TAOK3: variants seen among roughly 807,000 people sequenced by gnomAD.
TAOK3 encodes serine/threonine-protein kinase TAO3.
A neutral mutation model predicts 120.4 loss-of-function variants in TAOK3; 40 were observed. The observed-to-expected ratio is 0.33, with a 90% CI of 0.26 to 0.43. The LOEUF (loss-of-function observed/expected upper bound fraction) is 0.43. Ranked by LOEUF, TAOK3 falls within the 20% of genes least tolerant of loss-of-function variation. The pLI is 1.00. For missense variants in TAOK3, 821 were observed against 1,112.1 expected, an observed-to-expected ratio of 0.74 and a Z score of 3.72; for synonymous variants, 355 against 387.5, an observed-to-expected ratio of 0.92 and a Z score of 0.99.
intron 1 of TAOK3, among the ~76,000 whole-genome samples, chr12:118,274,862 G>C (rs945753640): frequency 2.0e-5 from 3 of 151,304 alleles, no homozygotes; most frequent in African/African-American, 7.3e-5. Flanking sequence ...TGAACTCCTG[G>C]CCTCCCAAAG....
chr12:118,291,899 C>T (rs2042497790), intron 1 of TAOK3, among the ~76,000 whole-genome samples: 1 of 152,054 alleles, frequency 6.6e-6, no homozygotes, highest in South Asian at 2.1e-4. Flanking sequence ...ACTGCAAGCT[C>T]CACCTCCGGG....
chr12:118,341,003 T>C (rs1009525392), intron 1 of TAOK3, among the ~76,000 whole-genome samples: 7 of 151,344 alleles, frequency 4.6e-5, no homozygotes, highest in Non-Finnish European at 1.0e-4. Context: ...TTTTTTTTTT[T>C]TTTTTGAGAC....
At chr12:118,316,746 A>G (rs1186949348) in intron 1 of TAOK3, among the ~76,000 whole-genome samples, 2 of 152,080 alleles carry the variant, frequency 1.3e-5, no homozygotes, top group Non-Finnish European at 2.9e-5. Flanking sequence ...GAAAACCCTA[A>G]ATAACTCACA....
At chr12:118,306,947 AG>A (rs2043074291) in intron 1 of TAOK3, among the ~76,000 whole-genome samples, 1 of 152,242 alleles carries the variant, frequency 6.6e-6, no homozygotes, top group South Asian at 2.1e-4. Flanking sequence ...GTGCAACAGA[AG>A]AACGGAATTT....
chr12:118,243,993 C>T (rs1566003176), intron 4 of TAOK3, among the ~76,000 whole-genome samples: 1 of 151,910 alleles, frequency 6.6e-6, no homozygotes, highest in Non-Finnish European at 1.5e-5. Context: ...CATGCCATTT[C>T]TTTAGTTTGA....
chr12:118,279,757 TTTTTATTGTTG>T (rs1205741857), intron 1 of TAOK3, among the ~76,000 whole-genome samples: 6 of 148,106 alleles, frequency 4.1e-5, no homozygotes, highest in African/African-American at 1.3e-4. Flanking sequence ...CTAATTTTTG[TTTTTATTGTTG>T]TTTTTTTTTT....
chr12:118,261,977 C>T (rs2041250366), intron 2 of TAOK3, among the ~76,000 whole-genome samples: 1 of 152,104 alleles, frequency 6.6e-6, no homozygotes. Context: ...TCTCGTGCCT[C>T]AGTCACCCAA....
intron 1 of TAOK3, among the ~76,000 whole-genome samples, chr12:118,329,100 C>T (rs1310768685): frequency 6.6e-6 from 1 of 152,054 alleles, no homozygotes; most frequent in African/African-American, 2.4e-5. Context: ...TAAAGAAGTA[C>T]TAGAGAAGCC....
At chr12:118,196,984 T>C (rs2037761292) in intron 13 of TAOK3, among the ~76,000 whole-genome samples, 1 of 152,230 alleles carries the variant, frequency 6.6e-6, no homozygotes. Context: ...TTAAAAATCC[T>C]ATTTATGTTC....
chr12:118,196,264 C>T (rs1353134791), intron 13 of TAOK3, among the ~76,000 whole-genome samples: 3 of 152,022 alleles, frequency 2.0e-5, no homozygotes, highest in Non-Finnish European at 2.9e-5. Context: ...AAAATCAGGG[C>T]ATCTTTATTC....
intron 1 of TAOK3, among the ~76,000 whole-genome samples, chr12:118,359,345 G>A (rs1425151871): frequency 1.3e-5 from 2 of 152,076 alleles, no homozygotes; most frequent in Non-Finnish European, 2.9e-5. Flanking sequence ...AATGCTCACC[G>A]TTATGGTATC....
intron 15 of TAOK3, among the ~76,000 whole-genome samples, chr12:118,178,791 C>A (rs2036510476): frequency 2.0e-5 from 3 of 152,196 alleles, no homozygotes. Flanking sequence ...AGTCACACAT[C>A]ATGACATTTT....
Position 118,160,882 on chromosome 12 carries a change from C to T in TAOK3, c.2140-524G>A, listed in dbSNP as rs1279645034. ...GAGTATATGGATGGTACCTTATATC[C>T]TAACGCATTTCTACTGGATTTCAGC... On this transcript the variant is annotated intron_variant, in intron 18 of 20. Transcript: ENST00000392533. The surrounding 1 kb of genome is among the most constrained non-coding windows in gnomAD (Gnocchi z 4.2). Among the ~76,000 whole-genome samples the T allele has an allele frequency of 2.0e-5, 3 of 152,140 alleles. No individual in the cohort carries two copies. Among genetic ancestry groups the T allele is most frequent in the African/African-American group, 7.2e-5 (3 of 41,410 alleles).
intron 17 of TAOK3, among the ~76,000 whole-genome samples, chr12:118,164,876 T>C (rs16948168): frequency 0.019 from 2,891 of 152,258 alleles, 96 homozygotes; most frequent in African/African-American, 0.066. Flanking sequence ...TCCCTATTGA[T>C]TGAAGAGAAA....
chr12:118,293,601 G>A (rs2042563409), intron 1 of TAOK3, among the ~76,000 whole-genome samples: 1 of 150,620 alleles, frequency 6.6e-6, no homozygotes, highest in Admixed American at 6.6e-5. Flanking sequence ...TTGAACCCGG[G>A]AGGCAGAGGT....
At chr12:118,251,268 G>A (rs1388761203) in intron 3 of TAOK3, among the ~76,000 whole-genome samples, 2 of 152,170 alleles carry the variant, frequency 1.3e-5, no homozygotes, top group Admixed American at 1.3e-4. Context: ...CTATTAGCAC[G>A]GAGTAAGAAG....
intron 3 of TAOK3, among the ~76,000 whole-genome samples, chr12:118,250,679 C>T (rs1025079913): frequency 6.6e-6 from 1 of 152,150 alleles, no homozygotes; most frequent in African/African-American, 2.4e-5. Context: ...ATGCCCAGTA[C>T]CTATCTCTCC....
chr12:118,359,317 AATCTATGAAAG>A (rs1462944395), intron 1 of TAOK3, among the ~76,000 whole-genome samples: 4 of 152,206 alleles, frequency 2.6e-5, no homozygotes, highest in Non-Finnish European at 4.4e-5. Flanking sequence ...CTTATGTAAA[AATCTATGAAAG>A]TCTATCAATG....
chr12:118,263,297 A>T (rs1339191141), intron 2 of TAOK3, among the ~76,000 whole-genome samples: 1 of 152,222 alleles, frequency 6.6e-6, no homozygotes, highest in Non-Finnish European at 1.5e-5. Context: ...ATATGCAAGA[A>T]AACAGATATT....
Sources: gnomAD v4.1 joint callset for allele counts (sites outside exome capture counted in the v4.1 genomes callset) on GRCh38, gnomAD v4.1.1 for gene constraint, Gnocchi (gnomAD v3.1) non-coding constraint, MANE v1.5 for transcripts, NCBI Gene and HGNC (gene_info 2026-07-23, HGNC 2026-07-21) for gene names.